The following CACNB2 variants were observed in gnomAD, a reference collection of about 807,000 sequenced individuals.
The protein encoded by CACNB2 is calcium voltage-gated channel auxiliary subunit beta 2.
Under a neutral mutation model 73.3 loss-of-function variants are expected in CACNB2, and 42 were observed. The observed-to-expected ratio is 0.57, with a 90% CI of 0.45 to 0.74. The LOEUF (loss-of-function observed/expected upper bound fraction) is 0.74, where lower values mean the gene tolerates loss of function less well. Ranked by LOEUF, CACNB2 falls within the 30% of genes least tolerant of loss-of-function variation. The probability of loss-of-function intolerance (pLI) is 0.00; values close to 1 mark genes in which losing one functional copy is unlikely to be tolerated. For synonymous variants in CACNB2, 348 were observed against 310.3 expected (o/e 1.12, Z -1.28); for missense variants, 940 against 853.0 (o/e 1.10, Z -1.27).
intron 3 of CACNB2, among the ~76,000 whole-genome samples, chr10:18,421,062 T>A (rs1053728825): frequency 2.6e-5 from 4 of 152,122 alleles, no homozygotes; most frequent in African/African-American, 9.7e-5. Flanking sequence ...ATTTGAATAA[T>A]TTTTCCCCAA....
chr10:18,320,610 G>A (rs926384540), intron 2 of CACNB2, among the ~76,000 whole-genome samples: 1 of 152,068 alleles, frequency 6.6e-6, no homozygotes, highest in Admixed American at 6.6e-5. Flanking sequence ...TGTGATCTTG[G>A]GCCAGTTACT....
intron 2 of CACNB2, among the ~76,000 whole-genome samples, chr10:18,262,768 A>G (rs1294858792): frequency 1.3e-5 from 2 of 152,240 alleles, no homozygotes; most frequent in Non-Finnish European, 2.9e-5. Context: ...GAAGAAATCC[A>G]TGGTTATGTG....
At chr10:18,374,327 G>A (rs763644312) in intron 2 of CACNB2, among the ~76,000 whole-genome samples, 11 of 152,200 alleles carry the variant, frequency 7.2e-5, no homozygotes, top group African/African-American at 2.2e-4. Context: ...TTCAAAGGCC[G>A]AAGAGAGAGG....
intron 2 of CACNB2, among the ~76,000 whole-genome samples, chr10:18,365,362 A>G (rs1423432292): frequency 6.6e-6 from 1 of 152,116 alleles, no homozygotes; most frequent in Non-Finnish European, 1.5e-5. Context: ...TTAATTTTCA[A>G]CCTTTCTTCA....
At chr10:18,506,768 A>C (rs2050510590) in intron 6 of CACNB2, among the ~76,000 whole-genome samples, 1 of 152,166 alleles carries the variant, frequency 6.6e-6, no homozygotes, top group Non-Finnish European at 1.5e-5. Flanking sequence ...ACATTGCTGT[A>C]GATGATCAAA....
At chr10:18,301,711 C>T (rs1348829495) in intron 2 of CACNB2, among the ~76,000 whole-genome samples, 1 of 151,028 alleles carries the variant, frequency 6.6e-6, no homozygotes. Flanking sequence ...TGCAGTGGCA[C>T]AATCTCAGCT....
intron 3 of CACNB2, among the ~76,000 whole-genome samples, chr10:18,490,238 G>A (rs1038053071): frequency 7.9e-5 from 12 of 152,064 alleles, no homozygotes; most frequent in Admixed American, 1.3e-4. Context: ...TGGTACTTAC[G>A]AATTTATTTT....
At chr10:18,335,066 T>C (rs2132037311) in intron 2 of CACNB2, among the ~76,000 whole-genome samples, 1 of 152,208 alleles carries the variant, frequency 6.6e-6, no homozygotes, top group South Asian at 2.1e-4. Flanking sequence ...GACTATACAT[T>C]TCAGACATTC....
At chr10:18,316,767 G>A (rs2040202858) in intron 2 of CACNB2, among the ~76,000 whole-genome samples, 2 of 152,052 alleles carry the variant, frequency 1.3e-5, no homozygotes. Flanking sequence ...TGGTCCCTAG[G>A]AAAGATCTTA....
At chr10:18,327,513 C>G (rs2131992154) in intron 2 of CACNB2, among the ~76,000 whole-genome samples, 1 of 152,298 alleles carries the variant, frequency 6.6e-6, no homozygotes. Context: ...CAACCTCCAC[C>G]TGCTGGACTC....
At chr10:18,485,873 G>A (rs549774008) in intron 3 of CACNB2, among the ~76,000 whole-genome samples, 13 of 150,342 alleles carry the variant, frequency 8.6e-5, no homozygotes, top group East Asian at 3.9e-4. Context: ...GTGAGCCACC[G>A]TGCCCAGCCT....
chr10:18,364,138 G>A (rs2042252461), intron 2 of CACNB2, among the ~76,000 whole-genome samples: 1 of 151,838 alleles, frequency 6.6e-6, no homozygotes, highest in Non-Finnish European at 1.5e-5. Flanking sequence ...TGGAGATGGG[G>A]TTTTGCCACT....
At position 18,515,184 on chromosome 10, in the gene CACNB2, C is replaced by T. The variant is rs1208378860; in HGVS notation, c.804+815C>T. On this transcript the variant is annotated intron_variant, in intron 7 of 13. Coordinates refer to ENST00000324631, the MANE Select transcript of CACNB2 (RefSeq NM_201596.3). ...TTGCCATTGGCCATCCAAGATGCTA[C>T]ACAGCGAGGCTCCTTGTCCCCTAAA... 5.6e-6 allele frequency: 4 copies of T among 714,134 alleles called. No homozygotes were observed. The Admixed American group carries it at 6.1e-5, about 11-fold the overall frequency. The allele number at this position is 714,134 out of a possible 1,614,324, so 44.2% of individuals were successfully genotyped here.
intron 3 of CACNB2, among the ~76,000 whole-genome samples, chr10:18,409,371 C>G (rs969559516): frequency 5.9e-5 from 9 of 151,848 alleles, no homozygotes; most frequent in Non-Finnish European, 7.4e-5. Flanking sequence ...CTCCTGGGCT[C>G]AAGTAATCCT....
intron 2 of CACNB2, among the ~76,000 whole-genome samples, chr10:18,177,521 T>A (rs2033667353): frequency 6.7e-6 from 1 of 150,158 alleles, no homozygotes; most frequent in African/African-American, 2.5e-5. Flanking sequence ...ATCCCAGCTC[T>A]TGAGCTGAGA....
chr10:18,174,722 C>A (rs115004622), intron 2 of CACNB2, among the ~76,000 whole-genome samples: 2,207 of 152,130 alleles, frequency 0.015, 46 homozygotes, highest in African/African-American at 0.05. Context: ...TTATTTCTGA[C>A]TTGAGATTTG....
At chr10:18,503,095 A>T (rs772664380) in intron 5 of CACNB2, among the ~76,000 whole-genome samples, 1 of 152,184 alleles carries the variant, frequency 6.6e-6, no homozygotes, top group Non-Finnish European at 1.5e-5. Context: ...GCATATTTTG[A>T]TATGCAATAT....
rs2040611483 is a variant in CACNB2 at position 18,326,959 on chromosome 10, A to T, written c.214-74965A>T. Among the ~76,000 whole-genome samples the T allele has an allele frequency of 2.6e-5, 4 of 151,842 alleles. No individual in the cohort carries two copies. In the South Asian group the frequency reaches 6.2e-4, roughly 24 times the overall value. On this transcript the variant is annotated intron_variant, in intron 2 of 13. Transcript: ENST00000324631. ...GCCCTTGCTGGTCTTGAACTCCTGGACTCAAGTGATCCGCCCACCTCAACC... is the reference window on the plus strand; with the variant it reads ...GCCCTTGCTGGTCTTGAACTCCTGGTCTCAAGTGATCCGCCCACCTCAACC...
chr10:18,236,127 T>G (rs1312645747), intron 2 of CACNB2, among the ~76,000 whole-genome samples: 1 of 152,126 alleles, frequency 6.6e-6, no homozygotes, highest in East Asian at 1.9e-4. Context: ...TTAGCCAGTC[T>G]CAGGTATTTC....
Sources: allele counts gnomAD v4.1 joint callset (sites outside exome capture counted in the v4.1 genomes callset), GRCh38; gene constraint gnomAD v4.1.1; transcripts MANE v1.5; gene names NCBI Gene and HGNC (gene_info 2026-07-23, HGNC 2026-07-21).